NBN: variants seen among roughly 807,000 people sequenced by gnomAD.
NBN encodes the protein nibrin, also known as Nijmegen breakage syndrome 1 (nibrin).
Under a neutral mutation model 90.8 loss-of-function variants are expected in NBN, and 88 were observed. That is an observed-to-expected ratio of 0.97 (90% CI 0.82 to 1.16). The LOEUF is 1.16. Among genes scored for constraint, NBN ranks in the 50% most tolerant of loss-of-function variants. The pLI is 0.00. For missense variants in NBN, 894 were observed against 869.6 expected, an observed-to-expected ratio of 1.03 and a Z score of -0.35; for synonymous variants, 328 against 295.1, an observed-to-expected ratio of 1.11 and a Z score of -1.14.
chr8:89,971,546 C>T (rs1318249360), intron 5 of NBN, among the ~76,000 whole-genome samples: 1 of 152,076 alleles, frequency 6.6e-6, no homozygotes, highest in African/African-American at 2.4e-5. Context: ...CCAAGGTAGA[C>T]AATCATAACA....
chr8:89,967,809 C>T lies in NBN; in HGVS notation c.896+2555G>A, dbSNP rs145654908. On this transcript the variant is annotated intron_variant, in intron 7 of 15. Transcript: ENST00000265433. The stretch of plus-strand genomic sequence containing the variant: ...CTAATCAATACAGCCATGGCAATCA[C>T]CAATCACAATGTTGCCCTGTTGAAG... Among the ~76,000 whole-genome samples the T allele has an allele frequency of 6.0e-3, 911 of 152,306 alleles. 10 individuals are homozygous for T. Among genetic ancestry groups the T allele is most frequent in the Non-Finnish European group, 6.8e-3 (462 of 68,012 alleles).
chr8:89,976,079 C>A (rs2129871997), intron 5 of NBN, among the ~76,000 whole-genome samples: 1 of 152,274 alleles, frequency 6.6e-6, no homozygotes, highest in Non-Finnish European at 1.5e-5. Flanking sequence ...GCAACCTCCA[C>A]TTCCTGGATT....
chr8:89,943,428 A>C, intron 13 of NBN, 62 bp from the exon 14 acceptor site: 1 of 1,488,090 alleles, frequency 6.7e-7, no homozygotes, highest in South Asian at 1.1e-5. Flanking sequence ...CCATTTTTTT[A>C]AAAAGATTAA....
intron 11 of NBN, among the ~76,000 whole-genome samples, chr8:89,949,387 T>C (rs2280779): frequency 0.042 from 6,346 of 152,242 alleles, 274 homozygotes; most frequent in East Asian, 0.19. Flanking sequence ...AATTTACTAC[T>C]GGGTATTGAA....
chr8:89,981,800 T>G, intron 2 of NBN: 1 of 499,484 alleles, frequency 2.0e-6, no homozygotes, highest in Non-Finnish European at 3.5e-6. Flanking sequence ...TCACACACAT[T>G]TGAGAATTTT....
chr8:89,984,232 T>C (rs1475621026), intron 1 of NBN: 3 of 535,362 alleles, frequency 5.6e-6, no homozygotes, highest in East Asian at 3.3e-5. Context: ...GCCCTAGCGC[T>C]GCAACGGCGC....
At position 89,955,564 on chromosome 8, in the gene NBN, A is replaced by G; in HGVS notation, c.1125-9T>C. On this transcript the variant is annotated splice_polypyrimidine_tract_variant and intron_variant, in intron 9 of 15. Transcript: ENST00000265433. ...GCCTTTCACTCAAATCCCTGTAGAA[A>G]AAGAAAAGAATGCAAGGTAAATAAT... 1.2e-6 allele frequency: 2 copies of G among 1,611,534 alleles called. No individual in the cohort carries two copies. The highest frequency in any genetic ancestry group is 1.7e-6 in the Non-Finnish European group (2 of 1,179,120).
intron 9 of NBN, 37 bp from the exon 10 acceptor site, chr8:89,955,592 A>G (rs1810677924): frequency 6.3e-7 from 1 of 1,595,960 alleles, no homozygotes; most frequent in Non-Finnish European, 8.5e-7. Context: ...TAAATAATCA[A>G]GTTTACAGCA....
rs752104183 is a variant in NBN, at chr8:89,971,244, C to T, written c.631G>A (p.Asp211Asn). The change falls in exon 6 of 16, where the codon GAT becomes AAT. Residue 211 changes from aspartate to asparagine, a missense_variant. Physicochemically the swap from Asp to Asn is conservative, Grantham distance 23 (BLOSUM62 1). Coordinates refer to ENST00000265433, the MANE Select transcript of NBN (RefSeq NM_002485.5). ...DEPSIGSKNV[D>N]LSGRQERKQI... ...TTTCTTTCCTGCCGTCCTGACAGAT[C>T]AACATTTTTACTTCCAATAGATGGT... 1.2e-6 allele frequency: 2 copies of T among 1,613,174 alleles called. No individual in the cohort carries two copies. Among genetic ancestry groups the T allele is most frequent in the South Asian group, 2.2e-5 (2 of 91,062 alleles).
intron 6 of NBN, 90 bp downstream of exon 6, chr8:89,971,083 G>A: frequency 4.3e-6 from 6 of 1,397,272 alleles, no homozygotes; most frequent in Non-Finnish European, 5.9e-6. Flanking sequence ...ATCCCAAAAT[G>A]AAATACGTTA....
chr8:89,971,850 A>G (rs1811531310), intron 5 of NBN, among the ~76,000 whole-genome samples: 1 of 152,368 alleles, frequency 6.6e-6, no homozygotes, highest in East Asian at 1.9e-4. Flanking sequence ...ATTTAATGCT[A>G]TAAGAACATC....
chr8:89,943,460 G>A (rs1810046526), intron 13 of NBN, 94 bp from the exon 14 acceptor site: 1 of 1,242,228 alleles, frequency 8.1e-7, no homozygotes, highest in East Asian at 2.4e-5. Context: ...GGTAAATCAT[G>A]CATAAGTGCC....
intron 1 of NBN, among the ~76,000 whole-genome samples, chr8:89,983,946 C>G (rs1284356706): frequency 6.6e-6 from 1 of 152,176 alleles, no homozygotes; most frequent in Admixed American, 6.5e-5. Context: ...GGACAAGACC[C>G]TTCACACCCA....
intron 14 of NBN, among the ~76,000 whole-genome samples, chr8:89,939,266 G>A (rs988916815): frequency 6.6e-6 from 1 of 152,092 alleles, no homozygotes; most frequent in Non-Finnish European, 1.5e-5. Flanking sequence ...ACAGGGAAAT[G>A]AGATGGCAGT....
chr8:89,942,384 G>A (rs370381821), intron 14 of NBN, among the ~76,000 whole-genome samples: 3 of 152,034 alleles, frequency 2.0e-5, no homozygotes, highest in African/African-American at 4.8e-5. Flanking sequence ...GATAGAAAAC[G>A]TATCTTTTCT....
At chr8:89,940,917 T>C (rs901839479) in intron 14 of NBN, among the ~76,000 whole-genome samples, 5 of 152,194 alleles carry the variant, frequency 3.3e-5, no homozygotes, top group African/African-American at 9.6e-5. Flanking sequence ...GAAATAAAGG[T>C]ACTATTATTA....
intron 14 of NBN, among the ~76,000 whole-genome samples, chr8:89,941,507 T>C (rs1468015539): frequency 2.0e-5 from 3 of 152,190 alleles, no homozygotes; most frequent in Non-Finnish European, 4.4e-5. Context: ...TCCTTAATAT[T>C]AGACAGATCT....
Position 89,971,243 on chromosome 8 carries a change from T to A in NBN, c.632A>T (p.Asp211Val). Residue 211 changes from aspartate (D) to valine (V), a missense_variant, in exon 6 of 16, where the codon GAT becomes GTT. Asp to Val is a radical substitution (Grantham distance 152, BLOSUM62 -3). Transcript: ENST00000265433. ...TTTTCTTTCCTGCCGTCCTGACAGA[T>A]CAACATTTTTACTTCCAATAGATGG... ...DEPSIGSKNV[D>V]LSGRQERKQI... The A allele has an allele frequency of 6.2e-7, 1 of 1,613,342 alleles. No individual in the cohort carries two copies. Among genetic ancestry groups the A allele is most frequent in the Non-Finnish European group, 8.5e-7 (1 of 1,179,520 alleles).
chr8:89,973,435 A>T (rs184710907), intron 5 of NBN, among the ~76,000 whole-genome samples: 49 of 152,364 alleles, frequency 3.2e-4, no homozygotes, highest in Middle Eastern at 6.8e-3. Context: ...GAACAAAAAA[A>T]TACAAAACTG....
Sources: gnomAD v4.1 joint callset for allele counts (sites outside exome capture counted in the v4.1 genomes callset) on GRCh38, gnomAD v4.1.1 for gene constraint, MANE v1.5 for transcripts, NCBI Gene and HGNC (gene_info 2026-07-23, HGNC 2026-07-21) for gene names.